The following SYNE1 variants were observed in gnomAD, a reference collection of about 807,000 sequenced individuals.
The protein encoded by SYNE1 is nesprin-1.
In SYNE1, 616 loss-of-function variants were observed where a neutral mutation model predicts 1,111.0. That is an observed-to-expected ratio of 0.55 (90% confidence interval 0.52 to 0.59). The LOEUF is 0.59. Ranked by LOEUF, SYNE1 falls within the 20% of genes least tolerant of loss-of-function variation. The pLI, the probability that SYNE1 is intolerant of heterozygous loss-of-function variation, is 0.00. For missense variants in SYNE1, 10,006 were observed against 10,417.0 expected (o/e 0.96, Z 1.72); for synonymous variants, 3,855 against 3,825.8 (o/e 1.01, Z -0.28).
chr6:152,306,626 A>T (rs1402019382), intron 91 of SYNE1, among the ~76,000 whole-genome samples: 1 of 151,878 alleles, frequency 6.6e-6, no homozygotes, highest in East Asian at 1.9e-4. Context: ...CTTTTATTCT[A>T]GCACTTTGGG....
At chr6:152,382,967 C>T (rs1001060539) in intron 55 of SYNE1, among the ~76,000 whole-genome samples, 6 of 152,134 alleles carry the variant, frequency 3.9e-5, no homozygotes, top group Non-Finnish European at 7.4e-5. Flanking sequence ...TGTACATTCC[C>T]GCCCTCACAC....
intron 130 of SYNE1, among the ~76,000 whole-genome samples, chr6:152,173,473 CA>C (rs1294579326): frequency 6.6e-6 from 1 of 152,214 alleles, no homozygotes; most frequent in African/African-American, 2.4e-5. Context: ...CTGGAAGAGG[CA>C]AGAGTGGTGA....
At chr6:152,363,562 A>G (rs1307424691) in intron 63 of SYNE1, among the ~76,000 whole-genome samples, 1 of 151,882 alleles carries the variant, frequency 6.6e-6, no homozygotes, top group Non-Finnish European at 1.5e-5. Flanking sequence ...AATAAATTCC[A>G]TTAATCATTT....
chr6:152,139,749 GAAAAGA>G (rs2058131481), intron 140 of SYNE1, among the ~76,000 whole-genome samples, 195 bp downstream of exon 140: 1 of 136,094 alleles, frequency 7.3e-6, no homozygotes, highest in Non-Finnish European at 1.6e-5. Flanking sequence ...AAGAAAGAAA[GAAAAGA>G]AAAAAAAGAA....
chr6:152,375,222 T>C (rs1042626517), intron 58 of SYNE1, among the ~76,000 whole-genome samples: 14 of 152,146 alleles, frequency 9.2e-5, no homozygotes, highest in African/African-American at 3.4e-4. Flanking sequence ...GGATTATAGG[T>C]GTGAGCCGCC....
chr6:152,570,974 G>A (rs2099451654), intron 3 of SYNE1, among the ~76,000 whole-genome samples: 1 of 152,148 alleles, frequency 6.6e-6, no homozygotes, highest in Non-Finnish European at 1.5e-5. Flanking sequence ...TGCACAAAGG[G>A]GGATTCATCC....
chr6:152,541,377 T>TTG (rs2099268685), intron 3 of SYNE1, among the ~76,000 whole-genome samples: 1 of 152,028 alleles, frequency 6.6e-6, no homozygotes, highest in Non-Finnish European at 1.5e-5. Context: ...AGGTATTTTA[T>TTG]TGTGTGTGTG....
At chr6:152,426,452 C>T (rs957358177) in intron 38 of SYNE1, among the ~76,000 whole-genome samples, 32 of 152,234 alleles carry the variant, frequency 2.1e-4, no homozygotes, top group African/African-American at 7.0e-4. Context: ...AAGTCAGGTC[C>T]AGCCCACGAG....
Position 152,514,482 on chromosome 6 carries a change from G to T in SYNE1, c.310-3379C>A, listed in dbSNP as rs548402494. Among the ~76,000 whole-genome samples the T allele has an allele frequency of 3.3e-5, 5 of 152,254 alleles. No homozygotes were observed. The East Asian group carries it at 7.7e-4, about 24-fold the overall frequency. On this transcript the variant is annotated intron_variant, in intron 6 of 145. Coordinates refer to ENST00000367255, the MANE Select transcript of SYNE1 (RefSeq NM_182961.4). The stretch of plus-strand genomic sequence containing the variant: ...ATCACACACCAGTGCCTGTCACGGG[G>T]TAGGGGACTAGGGGAGGGATAGCAT...
Position 152,125,266 on chromosome 6 carries a change from G to C in SYNE1, c.26154-2590C>G, listed in dbSNP as rs767099068. On this transcript the variant is annotated intron_variant, in intron 145 of 145. Coordinates refer to ENST00000367255, the MANE Select transcript of SYNE1 (RefSeq NM_182961.4). The stretch of plus-strand genomic sequence containing the variant: ...AATTCAGGTCGTATTCATTTCACAG[G>C]TATCTCACATGTAGAAGCAAAGAAG... The C allele has an allele frequency of 2.6e-4, 409 of 1,550,078 alleles. No individual in the cohort carries two copies. The highest frequency in any genetic ancestry group is 3.3e-4 in the Non-Finnish European group (375 of 1,146,788).
intron 62 of SYNE1, among the ~76,000 whole-genome samples, chr6:152,366,700 A>G (rs1212019840): frequency 6.6e-6 from 1 of 152,160 alleles, no homozygotes; most frequent in African/African-American, 2.4e-5. Flanking sequence ...ACCCCTGAGG[A>G]AAAAGACTAT....
intron 10 of SYNE1, among the ~76,000 whole-genome samples, chr6:152,499,848 A>C (rs1381882014): frequency 6.6e-6 from 1 of 152,162 alleles, no homozygotes; most frequent in Non-Finnish European, 1.5e-5. Flanking sequence ...GATAGAGGGA[A>C]TTTTTTTAAC....
chr6:152,316,362 A>G (rs2095718771), intron 87 of SYNE1: 1 of 184,446 alleles, frequency 5.4e-6, no homozygotes. Flanking sequence ...TAAGTCTGAA[A>G]TACGAATATT....
intron 95 of SYNE1, 143 bp from the exon 96 acceptor site, chr6:152,284,315 A>C (rs964312329): frequency 2.4e-6 from 2 of 848,140 alleles, no homozygotes; most frequent in Admixed American, 4.0e-5. Flanking sequence ...ATAGCAGCCT[A>C]CTCACCTACA....
At chr6:152,257,231 T>C (rs2091051952) in intron 101 of SYNE1, among the ~76,000 whole-genome samples, 1 of 152,088 alleles carries the variant, frequency 6.6e-6, no homozygotes, top group African/African-American at 2.4e-5. Flanking sequence ...ACAAATATTA[T>C]ATACAAATAA....
intron 140 of SYNE1, 133 bp from the exon 141 acceptor site, chr6:152,136,951 A>G: frequency 1.1e-6 from 1 of 902,292 alleles, no homozygotes; most frequent in Non-Finnish European, 1.8e-6. Context: ...TAAAAGACAG[A>G]GGGTGCGTAC....
chr6:152,461,376 T>C (rs1420239656), intron 21 of SYNE1, among the ~76,000 whole-genome samples: 1 of 152,216 alleles, frequency 6.6e-6, no homozygotes, highest in African/African-American at 2.4e-5. Flanking sequence ...TATTAAAATA[T>C]AGCTATAATA....
chr6:152,500,347 T>G (rs1477274715), intron 10 of SYNE1, among the ~76,000 whole-genome samples: 3 of 152,240 alleles, frequency 2.0e-5, no homozygotes, highest in Non-Finnish European at 4.4e-5. Context: ...CCATTTGTGG[T>G]GCTTTTTAGA....
At chr6:152,237,530 G>C (rs965458274) in intron 108 of SYNE1, among the ~76,000 whole-genome samples, 7 of 151,858 alleles carry the variant, frequency 4.6e-5, no homozygotes, top group African/African-American at 1.7e-4. Context: ...GTCCAGCCTG[G>C]TCTCAAACTC....
Sources: gnomAD v4.1 joint callset for allele counts (sites outside exome capture counted in the v4.1 genomes callset) on GRCh38, gnomAD v4.1.1 for gene constraint, MANE v1.5 for transcripts, NCBI Gene and HGNC (gene_info 2026-07-23, HGNC 2026-07-21) for gene names.